The following UTS2B variants were observed in gnomAD, a reference collection of about 807,000 sequenced individuals.
UTS2B encodes urotensin 2B, also known as urotensin-2B.
In UTS2B, 21 loss-of-function variants were observed where a neutral mutation model predicts 19.2. That is an observed-to-expected ratio of 1.09 (90% CI 0.78 to 1.58). The LOEUF is 1.58. Among genes scored for constraint, UTS2B ranks in the 40% most tolerant of loss-of-function variants. The pLI is 0.00. For missense variants in UTS2B, 138 were observed against 130.3 expected (o/e 1.06, Z -0.29); for synonymous variants, 57 against 50.2 (o/e 1.14, Z -0.58).
chr3:191,306,209 C>G (rs779033534), intron 3 of UTS2B, among the ~76,000 whole-genome samples: 5 of 152,098 alleles, frequency 3.3e-5, no homozygotes, highest in Non-Finnish European at 7.4e-5. Context: ...TGAAGAATGT[C>G]AATGGTAGTT....
At chr3:191,330,296 AACACACAC>A (rs3048670) in intron 1 of UTS2B, 110 bp downstream of exon 1, 7,755 of 137,104 alleles carry the variant, frequency 0.057, 377 homozygotes, top group East Asian at 0.31. Context: ...TTACAAACAA[AACACACAC>A]ACACACACAC....
rs1716290900 is a variant in UTS2B at position 191,278,185 on chromosome 3, AACC to A, written c.104-18_104-16del. ...TATTTCATTTCCTATAATGATCAAA[AACC>A]ACCATTTTCAATTTGAGTCACCGAA... On this transcript the variant is annotated splice_polypyrimidine_tract_variant and intron_variant, in intron 5 of 8. Transcript: ENST00000340524. The A allele has an allele frequency of 7.2e-7, 1 of 1,392,688 alleles. No homozygotes were observed. 86.3% of individuals were successfully genotyped at this position (1,392,688 alleles called of 1,614,324 possible).
intron 4 of UTS2B, among the ~76,000 whole-genome samples, chr3:191,284,723 A>G (rs139006883): frequency 6.6e-6 from 1 of 151,836 alleles, no homozygotes; most frequent in African/African-American, 2.4e-5. Context: ...GTTCATATTT[A>G]TAATTTTGTT....
At chr3:191,279,897 C>G (rs1044229903) in intron 5 of UTS2B, among the ~76,000 whole-genome samples, 4 of 124,220 alleles carry the variant, frequency 3.2e-5, no homozygotes, top group African/African-American at 1.3e-4. Flanking sequence ...AGTTTTAAAA[C>G]AGATATAGCT....
chr3:191,285,627 C>T (rs1219444987), intron 4 of UTS2B, among the ~76,000 whole-genome samples: 1 of 152,062 alleles, frequency 6.6e-6, no homozygotes, highest in Non-Finnish European at 1.5e-5. Context: ...GTGCGCCCGG[C>T]TCGGTGGCTT....
chr3:191,322,694 A>G (rs1208597781), intron 2 of UTS2B, among the ~76,000 whole-genome samples: 1 of 152,158 alleles, frequency 6.6e-6, no homozygotes, highest in Admixed American at 6.5e-5. Context: ...AGAGGAAAAA[A>G]TAATGATGCA....
Position 191,268,490 on chromosome 3 carries a change from A to C in UTS2B, c.335-49T>G, listed in dbSNP as rs914717610. 5.0e-6 allele frequency: 7 copies of C among 1,397,416 alleles called. No homozygotes were observed. The African/African-American group carries it at 7.2e-5, about 14-fold the overall frequency. The allele number at this position is 1,397,416 out of a possible 1,614,324, so 86.6% of individuals were successfully genotyped here. A position where few individuals can be genotyped will look rare whatever the true frequency, so the allele number is the denominator to read the frequency against. On this transcript the variant is annotated intron_variant, in intron 8 of 8. Transcript: ENST00000340524. The stretch of plus-strand genomic sequence containing the variant: ...TTTTTATTAGAAGTATATTTGATAA[A>C]ACTTGCTCTTGAATCAATAGCTTAT...
At chr3:191,292,536 CTGTT>C (rs773966865) in intron 4 of UTS2B, among the ~76,000 whole-genome samples, 1 of 152,030 alleles carries the variant, frequency 6.6e-6, no homozygotes, top group Non-Finnish European at 1.5e-5. Flanking sequence ...TTTATTAGCT[CTGTT>C]TATTTATTTT....
At chr3:191,292,675 C>A (rs1390091890) in intron 4 of UTS2B, among the ~76,000 whole-genome samples, 2 of 152,112 alleles carry the variant, frequency 1.3e-5, no homozygotes, top group Admixed American at 6.5e-5. Context: ...CTGGTTAGAA[C>A]CTCCAGTACA....
intron 8 of UTS2B, among the ~76,000 whole-genome samples, chr3:191,271,828 C>CTTCAGA (rs1399430409): frequency 3.3e-5 from 5 of 152,194 alleles, no homozygotes; most frequent in Non-Finnish European, 7.3e-5. Context: ...TATTCACTAA[C>CTTCAGA]TTCAGATTCA....
At chr3:191,278,244 T>C (rs1372498458) in intron 5 of UTS2B, 74 bp from the exon 6 acceptor site, 1 of 739,720 alleles carries the variant, frequency 1.4e-6, no homozygotes, top group Non-Finnish European at 2.2e-6. Flanking sequence ...TCTTACAGGC[T>C]ACTATCAATT....
Position 191,299,536 on chromosome 3 carries a change from C to T in UTS2B, c.-125+4956G>A, listed in dbSNP as rs545472420. Among the ~76,000 whole-genome samples, 8 of 152,372 alleles carry T rather than the reference C, an allele frequency of 5.3e-5. No individual in the cohort carries two copies. The East Asian group carries it at 1.5e-3, about 29-fold the overall frequency. On this transcript the variant is annotated intron_variant, in intron 4 of 8. Coordinates refer to ENST00000340524, the MANE Select transcript of UTS2B (RefSeq NM_198152.5). ...GTTAAACCTGTGGGTGCACAGAGTG[C>T]AAGAGTTGGGGCTTGAGAGCCTCCA...
Position 191,306,052 on chromosome 3 carries a change from C to T in UTS2B, c.-181-1504G>A, listed in dbSNP as rs141728527. Among the ~76,000 whole-genome samples, 829 of 152,230 alleles carry T rather than the reference C, an allele frequency of 5.4e-3. 15 individuals are homozygous for T. Among genetic ancestry groups the T allele is most frequent in the African/African-American group, 0.018 (766 of 41,538 alleles). On this transcript the variant is annotated intron_variant, in intron 3 of 8. Transcript: ENST00000340524. ...TGTCTGTTCTTGTACCACTACCATGCTGTTTTGATTACTGTTGCCCTGTGG... is the reference window on the plus strand; with the variant it reads ...TGTCTGTTCTTGTACCACTACCATGTTGTTTTGATTACTGTTGCCCTGTGG...
chr3:191,289,030 A>G (rs1716633499), intron 4 of UTS2B, among the ~76,000 whole-genome samples: 1 of 152,204 alleles, frequency 6.6e-6, no homozygotes, highest in African/African-American at 2.4e-5. Context: ...CAGCTTTAAA[A>G]TAAGCAAAAG....
At chr3:191,303,435 C>T (rs1212130932) in intron 4 of UTS2B, among the ~76,000 whole-genome samples, 1 of 151,982 alleles carries the variant, frequency 6.6e-6, no homozygotes, top group Non-Finnish European at 1.5e-5. Context: ...ATATCTCTAA[C>T]AGACATCCCA....
intron 4 of UTS2B, among the ~76,000 whole-genome samples, chr3:191,294,313 G>A (rs1716800812): frequency 6.6e-6 from 1 of 151,780 alleles, no homozygotes; most frequent in Non-Finnish European, 1.5e-5. Flanking sequence ...CTGGTAATAG[G>A]AAGAGAGCAA....
At chr3:191,338,869 A>T in the UTS2B span, among the ~76,000 whole-genome samples, 2 of 152,220 alleles carry the variant, frequency 1.3e-5, no homozygotes, top group African/African-American at 2.4e-5. Context: ...TTAATTATAT[A>T]AGATGCTGGT....
At chr3:191,325,680 A>G (rs1333991378) in intron 2 of UTS2B, among the ~76,000 whole-genome samples, 2 of 152,210 alleles carry the variant, frequency 1.3e-5, no homozygotes, top group Non-Finnish European at 2.9e-5. Flanking sequence ...AGTCTCTACT[A>G]TGGGCTGAAT....
intron 4 of UTS2B, among the ~76,000 whole-genome samples, chr3:191,300,418 T>C (rs1195447255): frequency 6.6e-6 from 1 of 152,230 alleles, no homozygotes; most frequent in Admixed American, 6.5e-5. Flanking sequence ...AGTAAATCCA[T>C]TGTATCTTGG....
Sources: gnomAD v4.1 joint callset for allele counts (sites outside exome capture counted in the v4.1 genomes callset) on GRCh38, gnomAD v4.1.1 for gene constraint, MANE v1.5 for transcripts, NCBI Gene and HGNC (gene_info 2026-07-23, HGNC 2026-07-21) for gene names.